LPA: variants seen among roughly 807,000 people sequenced by gnomAD.
LPA encodes the protein lipoprotein(a).
LPA carries 199 observed loss-of-function variants against 197.9 expected under a neutral mutation model. That is an observed-to-expected ratio of 1.01 (90% confidence interval 0.90 to 1.13). The LOEUF is 1.13. LPA is among the 50% of genes most tolerant of loss of function. LPA has a pLI of 0.00. For synonymous variants in LPA, 715 were observed against 639.5 expected (o/e 1.12, Z -1.78); for missense variants, 1,853 against 1,785.8 (o/e 1.04, Z -0.68).
At chr6:160,587,758 T>TGA (rs1262764031) in intron 24 of LPA, among the ~76,000 whole-genome samples, 14 of 96,140 alleles carry the variant, frequency 1.5e-4, no homozygotes, top group African/African-American at 7.0e-4. Flanking sequence ...TCTTTGTGTG[T>TGA]GTGTGTGTGT....
chr6:160,596,453 G>A (rs1455737103), intron 20 of LPA, among the ~76,000 whole-genome samples: 1 of 151,006 alleles, frequency 6.6e-6, no homozygotes, highest in Non-Finnish European at 1.5e-5. Context: ...AACTGTCAAA[G>A]TCTTTGTTCA....
chr6:160,600,349 A>G (rs900419725), intron 19 of LPA, among the ~76,000 whole-genome samples: 8 of 152,140 alleles, frequency 5.3e-5, no homozygotes, highest in Admixed American at 1.3e-4. Context: ...AAAGCACACG[A>G]AAAAATCACT....
chr6:160,548,395 T>C (rs1778109895), intron 31 of LPA, 83 bp downstream of exon 31: 2 of 1,388,836 alleles, frequency 1.4e-6, no homozygotes, highest in Non-Finnish European at 2.0e-6. Flanking sequence ...TCTGCATCAG[T>C]GTGGTTTTTC....
At chr6:160,569,329 A>T (rs1778520385) in intron 28 of LPA, among the ~76,000 whole-genome samples, 1 of 150,282 alleles carries the variant, frequency 6.7e-6, no homozygotes, top group Non-Finnish European at 1.5e-5. Flanking sequence ...ATAATACCAC[A>T]CATCTACAAC....
At chr6:160,641,113 C>T (rs1397965850) in intron 4 of LPA, among the ~76,000 whole-genome samples, 13 of 134,206 alleles carry the variant, frequency 9.7e-5, no homozygotes, top group South Asian at 7.3e-4. Flanking sequence ...AGATAACACA[C>T]ACACGTGGCC....
intron 16 of LPA, 146 bp from the exon 17 acceptor site, chr6:160,606,804 A>G: frequency 8.1e-7 from 1 of 1,241,504 alleles, no homozygotes; most frequent in East Asian, 2.3e-5. Context: ...CACAAGCACA[A>G]ATGGCTCTCA....
rs1446014872 is a variant in LPA at position 160,664,158 on chromosome 6, T to C, written c.49+8A>G. The C allele has an allele frequency of 3.8e-6, 6 of 1,599,382 alleles. No homozygotes were observed. The South Asian group carries it at 6.7e-5, about 18-fold the overall frequency. On this transcript the variant is annotated splice_region_variant and intron_variant, in intron 1 of 38. Coordinates refer to ENST00000316300, the MANE Select transcript of LPA (RefSeq NM_005577.4). ...TAATTCTTATAATTTAAAAAAACTA[T>C]GTCTTACCTGATTTCAGAAATAAAA...
chr6:160,551,520 A>G (rs114326577), intron 30 of LPA, among the ~76,000 whole-genome samples: 88 of 152,340 alleles, frequency 5.8e-4, no homozygotes, highest in African/African-American at 1.9e-3. Flanking sequence ...ACTTTTGGTA[A>G]GCATGAGTTT....
chr6:160,576,416 G>GTGTATATATATATATATATATA (rs1778678338), intron 28 of LPA, among the ~76,000 whole-genome samples: 2 of 29,634 alleles, frequency 6.7e-5, no homozygotes, highest in East Asian at 2.9e-3. Context: ...ATATATATAT[G>GTGTATATATATATATATATATA]GGTATATATA....
At chr6:160,601,712 A>G (rs1779245321) in intron 18 of LPA, among the ~76,000 whole-genome samples, 1 of 152,210 alleles carries the variant, frequency 6.6e-6, no homozygotes, top group South Asian at 2.1e-4. Context: ...AGGTGGGTCA[A>G]GTGGGTTTCT....
At chr6:160,607,560 C>T (rs368880067) in intron 16 of LPA, among the ~76,000 whole-genome samples, 2 of 152,084 alleles carry the variant, frequency 1.3e-5, no homozygotes, top group Non-Finnish European at 2.9e-5. Flanking sequence ...GTTTGGGCTG[C>T]GGGGATCTTG....
intron 18 of LPA, among the ~76,000 whole-genome samples, chr6:160,604,474 A>C (rs1396985296): frequency 2.6e-5 from 4 of 152,092 alleles, no homozygotes; most frequent in African/African-American, 9.7e-5. Flanking sequence ...TTTACTTTAC[A>C]GGATCTCTCT....
chr6:160,559,639 T>A (rs140490555), intron 28 of LPA, among the ~76,000 whole-genome samples: 1 of 152,320 alleles, frequency 6.6e-6, no homozygotes, highest in East Asian at 1.9e-4. Context: ...CACCAGCATA[T>A]GATAAGAGTT....
At chr6:160,559,401 T>C (rs1385510397) in intron 28 of LPA, among the ~76,000 whole-genome samples, 2 of 152,246 alleles carry the variant, frequency 1.3e-5, no homozygotes, top group Non-Finnish European at 2.9e-5. Context: ...CAAATTATTT[T>C]TTCATTTTGT....
At chr6:160,577,671 A>G (rs899185652) in intron 27 of LPA, among the ~76,000 whole-genome samples, 14 of 152,180 alleles carry the variant, frequency 9.2e-5, no homozygotes, top group Admixed American at 4.6e-4. Flanking sequence ...AGGGGCCGAC[A>G]CAAGACCCTT....
At chr6:160,547,692 A>G in intron 32 of LPA, 97 bp downstream of exon 32, 1 of 1,549,440 alleles carries the variant, frequency 6.5e-7, no homozygotes, top group South Asian at 1.1e-5. Flanking sequence ...AATTACGCTT[A>G]GCCTCCTGAA....
At chr6:160,647,707 A>C (rs935256081) in intron 2 of LPA, among the ~76,000 whole-genome samples, 2 of 152,228 alleles carry the variant, frequency 1.3e-5, no homozygotes, top group African/African-American at 4.8e-5. Flanking sequence ...ACTATCGTGC[A>C]TGAGGTAAGA....
At chr6:160,578,495 T>C (rs1778726872) in intron 27 of LPA, 28 bp downstream of exon 27, 2 of 1,613,128 alleles carry the variant, frequency 1.2e-6, no homozygotes, top group Non-Finnish European at 1.7e-6. Flanking sequence ...CATCCCAGTA[T>C]ATAGATGTCT....
chr6:160,576,536 AC>A (rs1360685124), intron 28 of LPA, among the ~76,000 whole-genome samples: 1 of 145,156 alleles, frequency 6.9e-6, no homozygotes, highest in African/African-American at 2.5e-5. Context: ...ATATAAAAAT[AC>A]TCAGACATAC....
Sources: gnomAD v4.1 joint callset for allele counts (sites outside exome capture counted in the v4.1 genomes callset) on GRCh38, gnomAD v4.1.1 for gene constraint, MANE v1.5 for transcripts, NCBI Gene and HGNC (gene_info 2026-07-23, HGNC 2026-07-21) for gene names.